Variants in EVI5 observed in about 807,000 individuals in gnomAD.
EVI5 encodes ecotropic viral integration site 5 protein homolog.
In EVI5, 73 loss-of-function variants were observed where a neutral mutation model predicts 112.0. That is an observed-to-expected ratio of 0.65 (90% confidence interval 0.54 to 0.79). The LOEUF (loss-of-function observed/expected upper bound fraction) is 0.79, where lower values mean the gene tolerates loss of function less well. Among genes scored for constraint, EVI5 ranks in the 30% least tolerant of loss-of-function variants. The probability of loss-of-function intolerance (pLI) is 0.00; values close to 1 mark genes in which losing one functional copy is unlikely to be tolerated. For missense variants in EVI5, 900 were observed against 968.8 expected (o/e 0.93, Z 0.94); for synonymous variants, 305 against 319.9 (o/e 0.95, Z 0.50).
At chr1:92,552,855 C>G (rs1667147273) in intron 19 of EVI5, among the ~76,000 whole-genome samples, 1 of 151,704 alleles carries the variant, frequency 6.6e-6, no homozygotes, top group South Asian at 2.1e-4. Context: ...TTTTTCTTTT[C>G]TAGGTGGTTT....
intron 1 of EVI5, among the ~76,000 whole-genome samples, chr1:92,770,667 G>A (rs181623442): frequency 1.5e-4 from 23 of 151,814 alleles, no homozygotes; most frequent in African/African-American, 5.1e-4. Context: ...GCAGGTGCCT[G>A]TAGTCCCAGC....
chr1:92,514,960 G>A (rs1659631035), intron 19 of EVI5, among the ~76,000 whole-genome samples: 1 of 152,210 alleles, frequency 6.6e-6, no homozygotes, highest in Non-Finnish European at 1.5e-5. Context: ...GGAGAGGAAT[G>A]CTGCTTCCCA....
chr1:92,519,347 T>C (rs556845375), intron 19 of EVI5, among the ~76,000 whole-genome samples: 262 of 152,214 alleles, frequency 1.7e-3, no homozygotes, highest in African/African-American at 6.0e-3. Flanking sequence ...AGAAGAAAGA[T>C]TTCTTCAAGA....
rs58484805 is a variant in EVI5, at chr1:92,783,808, C to CA, written c.-82+1027dup. Among the ~76,000 whole-genome samples, 799 of 94,254 alleles carry CA rather than the reference C, an allele frequency of 8.5e-3. 11 individuals are homozygous for CA. The highest frequency in any genetic ancestry group is 0.025 in the African/African-American group (602 of 24,412). 61.8% of individuals were successfully genotyped at this position (94,254 alleles called of 152,430 possible). ...CTGGCGACAGAGCGAGACTCCCTGT[C>CA]AAAAAAAAAAAAAAAAAAGAAAAGA... On this transcript the variant is annotated intron_variant, in intron 1 of 19. Transcript: ENST00000684568.
At chr1:92,787,019 C>T (rs1685691401), upstream of EVI5, among the ~76,000 whole-genome samples, 1 of 152,172 alleles carries the variant, frequency 6.6e-6, no homozygotes. Flanking sequence ...TCTGACCTCC[C>T]TATGGTGGTC....
intron 18 of EVI5, among the ~76,000 whole-genome samples, chr1:92,584,174 T>C (rs1457904876): frequency 6.6e-6 from 1 of 152,036 alleles, no homozygotes; most frequent in Admixed American, 6.5e-5. Flanking sequence ...CATAAAGATA[T>C]ATTCAAGTGC....
chr1:92,641,716 C>T (rs1160286452), intron 13 of EVI5, among the ~76,000 whole-genome samples: 1 of 152,192 alleles, frequency 6.6e-6, no homozygotes, highest in Non-Finnish European at 1.5e-5. Context: ...GTATCTTCCT[C>T]TCCCTCAGCA....
At chr1:92,638,079 T>A (rs183884521) in intron 13 of EVI5, among the ~76,000 whole-genome samples, 134 of 152,248 alleles carry the variant, frequency 8.8e-4, no homozygotes, top group Non-Finnish European at 1.5e-3. Context: ...CTGGAAGAAT[T>A]TTTTTGCCCT....
intron 19 of EVI5, among the ~76,000 whole-genome samples, chr1:92,531,676 T>C (rs1192274010): frequency 6.6e-6 from 1 of 152,130 alleles, no homozygotes; most frequent in Non-Finnish European, 1.5e-5. Context: ...GAATTTCACA[T>C]CCAGACAAAC....
At chr1:92,656,928 G>A (rs1663094595) in intron 13 of EVI5, among the ~76,000 whole-genome samples, 1 of 152,120 alleles carries the variant, frequency 6.6e-6, no homozygotes, top group Non-Finnish European at 1.5e-5. Flanking sequence ...AGGATCAGAT[G>A]AATTCACAGC....
intron 18 of EVI5, among the ~76,000 whole-genome samples, chr1:92,593,741 T>C (rs1183673188): frequency 6.6e-6 from 1 of 152,130 alleles, no homozygotes; most frequent in African/African-American, 2.4e-5. Flanking sequence ...ACAAAATCAA[T>C]GTACAAAAAT....
At chr1:92,564,438 G>GA (rs994322884) in intron 18 of EVI5, among the ~76,000 whole-genome samples, 19 of 151,098 alleles carry the variant, frequency 1.3e-4, no homozygotes, top group Non-Finnish European at 2.4e-4. Flanking sequence ...GAAAAGGGGG[G>GA]AAAAAAAAGA....
chr1:92,615,607 C>G (rs1652940931), intron 16 of EVI5, among the ~76,000 whole-genome samples: 1 of 152,104 alleles, frequency 6.6e-6, no homozygotes, highest in Non-Finnish European at 1.5e-5. Flanking sequence ...GTAGTGGAAA[C>G]AACCCCTCCC....
At chr1:92,592,252 G>GA (rs762820316) in intron 18 of EVI5, among the ~76,000 whole-genome samples, 2 of 151,414 alleles carry the variant, frequency 1.3e-5, no homozygotes, top group Admixed American at 6.6e-5. Flanking sequence ...CAGAAAAAAA[G>GA]AAAAAAAAGA....
At position 92,703,596 on chromosome 1, in the gene EVI5, G is replaced by T; in HGVS notation, c.363C>A (p.Pro121=). 1 of 1,580,054 alleles carries T rather than the reference G, an allele frequency of 6.3e-7. No individual in the cohort carries two copies. Residue 121 remains proline, a synonymous_variant, in exon 4 of 20, where the codon CCC becomes CCA. Transcript: ENST00000684568. ...GCCAAACTATTGCTCTAAAGTGATGGGGTATCCCTTTATGAACAAGTTCCT... is the reference window on the plus strand; with the variant it reads ...GCCAAACTATTGCTCTAAAGTGATGTGGTATCCCTTTATGAACAAGTTCCT... ...QVKELVHKGI[P]HHFRAIVWQL... is the part of the protein sequence containing the mutation.
chr1:92,679,335 C>T (rs565695954), intron 9 of EVI5, among the ~76,000 whole-genome samples: 26 of 151,958 alleles, frequency 1.7e-4, no homozygotes, highest in African/African-American at 4.6e-4. Flanking sequence ...ATAAGATAGC[C>T]GACAGAATTT....
In EVI5 at chr1:92,693,912, T is replaced by A. The variant is rs747609504; in HGVS notation, c.1000-13A>T. 5.3e-6 allele frequency: 7 copies of A among 1,318,454 alleles called. No individual in the cohort carries two copies. Among genetic ancestry groups the A allele is most frequent in the Admixed American group, 4.2e-5 (2 of 47,296 alleles). 81.7% of individuals were successfully genotyped at this position (1,318,454 alleles called of 1,614,324 possible). A position where few individuals can be genotyped will look rare whatever the true frequency, so the allele number is the denominator to read the frequency against. On this transcript the variant is annotated splice_polypyrimidine_tract_variant and intron_variant, in intron 8 of 19. Coordinates refer to ENST00000684568, the MANE Select transcript of EVI5 (RefSeq NM_001350197.2). The stretch of plus-strand genomic sequence containing the variant: ...CCTTTTGAAAGTGCTAAGATACAAT[T>A]AAAAAAAAAACATAAGAATGACTTA...
intron 18 of EVI5, among the ~76,000 whole-genome samples, chr1:92,599,490 T>C (rs1648659785): frequency 6.6e-6 from 1 of 152,034 alleles, no homozygotes; most frequent in East Asian, 1.9e-4. Flanking sequence ...GAAAGATCTA[T>C]TTATGAATCT....
At chr1:92,586,112 G>A (rs1200523625) in intron 18 of EVI5, among the ~76,000 whole-genome samples, 1 of 152,182 alleles carries the variant, frequency 6.6e-6, no homozygotes, top group African/African-American at 2.4e-5. Flanking sequence ...TTTTCATCAT[G>A]TCACATGATA....
Sources: gnomAD v4.1 joint callset for allele counts (sites outside exome capture counted in the v4.1 genomes callset) on GRCh38, gnomAD v4.1.1 for gene constraint, MANE v1.5 for transcripts, NCBI Gene and HGNC (gene_info 2026-07-23, HGNC 2026-07-21) for gene names.